The following GPX6 variants were observed in gnomAD, a reference collection of about 807,000 sequenced individuals.
GPX6 encodes the protein glutathione peroxidase 6 (olfactory).
In GPX6, 21 loss-of-function variants were observed where a neutral mutation model predicts 20.0. That is an observed-to-expected ratio of 1.05 (90% CI 0.74 to 1.51). GPX6 has a LOEUF of 1.51. Among genes scored for constraint, GPX6 ranks in the 40% most tolerant of loss-of-function variants. The pLI, the probability that GPX6 is intolerant of heterozygous loss-of-function variation, is 0.00. For missense variants in GPX6, 233 were observed against 254.7 expected (o/e 0.91, Z 0.58); for synonymous variants, 75 against 98.0 (o/e 0.77, Z 1.38).
intron 2 of GPX6, among the ~76,000 whole-genome samples, chr6:28,507,652 C>T (rs1762819837): frequency 6.6e-6 from 1 of 152,226 alleles, no homozygotes; most frequent in African/African-American, 2.4e-5. Flanking sequence ...GCAATCTCCG[C>T]CTCCCAGGTT....
At chr6:28,505,919 C>T in intron 3 of GPX6, 117 bp from the exon 4 acceptor site, 1 of 762,884 alleles carries the variant, frequency 1.3e-6, no homozygotes, top group Non-Finnish European at 2.3e-6. Flanking sequence ...AGGCTGTGCA[C>T]AGGGAAGATA....
intron 1 of GPX6, among the ~76,000 whole-genome samples, chr6:28,513,046 A>G (rs999393516): frequency 2.0e-5 from 3 of 152,212 alleles, no homozygotes; most frequent in African/African-American, 7.2e-5. Flanking sequence ...TGAACACAGT[A>G]GGAGCACACT....
In GPX6 at chr6:28,515,733, T is replaced by C. The variant is rs772917495; in HGVS notation, c.11A>G (p.Gln4Arg). 1 of 1,613,868 alleles carries C rather than the reference T, an allele frequency of 6.2e-7. No individual in the cohort carries two copies. The highest frequency in any genetic ancestry group is 8.5e-7 in the Non-Finnish European group (1 of 1,179,768). ...CAGGACAAGACAGGAGGCCTGGAACTGCTGGAACATGGCTAGGAGTTTTAG... is the reference window on the plus strand; with the variant it reads ...CAGGACAAGACAGGAGGCCTGGAACCGCTGGAACATGGCTAGGAGTTTTAG... MFQ[Q>R]FQASCLVLFF... The change falls in exon 1 of 5, where the codon CAG (glutamine) becomes CGG (arginine). Residue 4 changes from glutamine to arginine, a missense_variant. Gln to Arg is a conservative substitution (Grantham distance 43). Coordinates refer to ENST00000361902, the MANE Select transcript of GPX6 (RefSeq NM_182701.1).
At position 28,506,310 on chromosome 6, in the gene GPX6, A is replaced by G. The variant is rs1207735532; in HGVS notation, c.359+2T>C. Reference sequence around the variant, plus strand: ...TCTGCAGGGTCCCATGCAAGCACTCACTTGAGACCAAGAAGTATTTCTGAG... The same window carrying G: ...TCTGCAGGGTCCCATGCAAGCACTCGCTTGAGACCAAGAAGTATTTCTGAG... On this transcript the variant is annotated splice_donor_variant, in intron 3 of 4. Transcript: ENST00000361902. LOFTEE classifies it high-confidence loss of function. 1.3e-6 allele frequency: 2 copies of G among 1,577,246 alleles called. No individual in the cohort carries two copies. Among genetic ancestry groups the G allele is most frequent in the East Asian group, 2.2e-5 (1 of 44,714 alleles).
At chr6:28,510,674 T>C (rs548004569) in intron 2 of GPX6, 77 bp downstream of exon 2, 9 of 1,472,738 alleles carry the variant, frequency 6.1e-6, no homozygotes, top group Middle Eastern at 1.8e-4. Flanking sequence ...CAATAACACA[T>C]TGGTAAAACC....
At chr6:28,511,769 C>T (rs1241440520) in intron 1 of GPX6, among the ~76,000 whole-genome samples, 1 of 152,278 alleles carries the variant, frequency 6.6e-6, no homozygotes, top group Non-Finnish European at 1.5e-5. Context: ...CCCGCGGCTG[C>T]ACTGTGGGAG....
intron 1 of GPX6, among the ~76,000 whole-genome samples, chr6:28,513,575 C>T (rs1229249686): frequency 6.6e-6 from 1 of 152,146 alleles, no homozygotes; most frequent in South Asian, 2.1e-4. Flanking sequence ...GTGAAACAGC[C>T]TGAACTGCTC....
chr6:28,515,727 T>A lies in GPX6; in HGVS notation c.17A>T (p.Gln6Leu), dbSNP rs35510314. 13 of 1,613,746 alleles carry A rather than the reference T, an allele frequency of 8.1e-6. No individual in the cohort carries two copies. The East Asian group carries it at 1.8e-4, about 22-fold the overall frequency. Residue 6 changes from glutamine (Q) to leucine (L), a missense_variant, in exon 1 of 5, where the codon CAG (glutamine) becomes CTG (leucine). Gln to Leu is a moderately radical substitution (Grantham distance 113). Transcript: ENST00000361902. Reference protein sequence around the residue: MFQQFQASCLVLFFLV... With the variant: MFQQFLASCLVLFFLV... ...GAAAAACAGGACAAGACAGGAGGCC[T>A]GGAACTGCTGGAACATGGCTAGGAG...
At position 28,506,341 on chromosome 6, in the gene GPX6, T is replaced by A; in HGVS notation, c.330A>T (p.Gly110=). 1 of 1,613,210 alleles carries A rather than the reference T, an allele frequency of 6.2e-7. No individual in the cohort carries two copies. ...PCNQFGKQEP[G]TNSEILLGLK... ...GACCAAGAAGTATTTCTGAGTTTGT[T>A]CCTGGTTCTTGTTTTCCAAACTGGT... The change falls in exon 3 of 5, where the codon GGA becomes GGT. Residue 110 remains glycine, a synonymous_variant. Coordinates refer to ENST00000361902, the MANE Select transcript of GPX6 (RefSeq NM_182701.1).
In GPX6 at chr6:28,510,750, C is replaced by G; in HGVS notation, c.241+1G>C. On this transcript the variant is annotated splice_donor_variant, in intron 2 of 4. Coordinates refer to ENST00000361902, the MANE Select transcript of GPX6 (RefSeq NM_182701.1). LOFTEE classifies it high-confidence loss of function. ...AAAAGAGTTGAAACGTGAGTTCTTA[C>G]CAGGATACTGAGCTGCCAAGCCTCA... 1 of 1,612,596 alleles carries G rather than the reference C, an allele frequency of 6.2e-7. No individual in the cohort carries two copies. The highest frequency in any genetic ancestry group is 2.2e-5 in the East Asian group (1 of 44,870).
At chr6:28,513,866 T>C (rs1390018771) in intron 1 of GPX6, among the ~76,000 whole-genome samples, 1 of 152,220 alleles carries the variant, frequency 6.6e-6, no homozygotes, top group East Asian at 1.9e-4. Context: ...CTTTATCATC[T>C]TCTGAGTCTG....
At chr6:28,505,198 T>G (rs1048440463) in intron 4 of GPX6, among the ~76,000 whole-genome samples, 2 of 152,216 alleles carry the variant, frequency 1.3e-5, no homozygotes, top group African/African-American at 2.4e-5. Flanking sequence ...TTTTCCCTTG[T>G]TTGCTGTGGA....
chr6:28,514,321 G>A (rs1246638269), intron 1 of GPX6, among the ~76,000 whole-genome samples: 3 of 152,186 alleles, frequency 2.0e-5, no homozygotes, highest in South Asian at 2.1e-4. Context: ...TTCCTACCCA[G>A]TTTTCAGTTC....
At chr6:28,515,565 G>A (rs1161665098) in intron 1 of GPX6, 92 bp downstream of exon 1, 21 of 894,920 alleles carry the variant, frequency 2.3e-5, no homozygotes, top group Non-Finnish European at 2.6e-5. Context: ...CTTGTCCTTC[G>A]AAAGGGGAGA....
chr6:28,515,094 A>G (rs1762999590), intron 1 of GPX6, among the ~76,000 whole-genome samples: 1 of 152,220 alleles, frequency 6.6e-6, no homozygotes, highest in South Asian at 2.1e-4. Context: ...AATTAATATT[A>G]GTGGACAACC....
At chr6:28,515,518 A>G (rs1159938912) in intron 1 of GPX6, 139 bp downstream of exon 1, 3 of 665,242 alleles carry the variant, frequency 4.5e-6, no homozygotes, top group Non-Finnish European at 8.2e-6. Flanking sequence ...AAGGATAGCA[A>G]TGTCAGGATT....
chr6:28,512,543 C>T (rs896252265), intron 1 of GPX6, among the ~76,000 whole-genome samples: 1 of 152,164 alleles, frequency 6.6e-6, no homozygotes, highest in Admixed American at 6.5e-5. Context: ...CAAAACAGAC[C>T]ACTCGGCTCT....
chr6:28,513,174 A>G (rs892713962), intron 1 of GPX6, among the ~76,000 whole-genome samples: 1 of 152,158 alleles, frequency 6.6e-6, no homozygotes, highest in Non-Finnish European at 1.5e-5. Flanking sequence ...CCTTGCACTT[A>G]TTCTCCATGC....
chr6:28,504,633 G>T, intron 4 of GPX6, 135 bp from the exon 5 acceptor site: 1 of 753,380 alleles, frequency 1.3e-6, no homozygotes, highest in Non-Finnish European at 2.1e-6. Context: ...TACTTTGCAT[G>T]CTTCCAATCA....
Sources: gnomAD v4.1 joint callset for allele counts (sites outside exome capture counted in the v4.1 genomes callset) on GRCh38, gnomAD v4.1.1 for gene constraint, MANE v1.5 for transcripts, NCBI Gene and HGNC (gene_info 2026-07-23, HGNC 2026-07-21) for gene names.